ITPR1: variants seen among roughly 807,000 people sequenced by gnomAD.
ITPR1 encodes the protein inositol 1,4,5-trisphosphate receptor type 1, also known as inositol 1,4,5-trisphosphate-gated calcium channel ITPR1.
Under a neutral mutation model 318.4 loss-of-function variants are expected in ITPR1, and 96 were observed. The observed-to-expected ratio is 0.30, with a 90% confidence interval of 0.26 to 0.36. The LOEUF is 0.36. Among genes scored for constraint, ITPR1 ranks in the 10% least tolerant of loss-of-function variants. The pLI is 1.00. For missense variants in ITPR1, 2,440 were observed against 3,460.2 expected, an observed-to-expected ratio of 0.71 and a Z score of 7.40; for synonymous variants, 1,312 against 1,289.9, an observed-to-expected ratio of 1.02 and a Z score of -0.37.
intron 44 of ITPR1, among the ~76,000 whole-genome samples, chr3:4,742,547 G>C (rs1019033316): frequency 1.3e-5 from 2 of 152,212 alleles, no homozygotes; most frequent in Non-Finnish European, 2.9e-5. Flanking sequence ...TGTTTTCACA[G>C]ACTATTTATA....
At chr3:4,725,987 A>G (rs1282368029) in intron 41 of ITPR1, among the ~76,000 whole-genome samples, 9 of 152,358 alleles carry the variant, frequency 5.9e-5, no homozygotes, top group Admixed American at 5.9e-4. Flanking sequence ...TTATAATTGT[A>G]GAAAAAGCTA....
At chr3:4,624,047 T>A (rs1404115005) in intron 4 of ITPR1, among the ~76,000 whole-genome samples, 1 of 152,238 alleles carries the variant, frequency 6.6e-6, no homozygotes, top group Non-Finnish European at 1.5e-5. Context: ...GACTTGCTGG[T>A]ACTGTGAACA....
chr3:4,547,131 T>C (rs1421878775), intron 4 of ITPR1, among the ~76,000 whole-genome samples: 3 of 152,242 alleles, frequency 2.0e-5, no homozygotes, highest in African/African-American at 7.2e-5. Flanking sequence ...GCATGATTTA[T>C]AGTACGGTTG....
chr3:4,519,553 T>C (rs2082405116), intron 3 of ITPR1, among the ~76,000 whole-genome samples: 1 of 152,220 alleles, frequency 6.6e-6, no homozygotes, highest in African/African-American at 2.4e-5. Flanking sequence ...AACCTAGCCC[T>C]ACCTTGGATT....
intron 2 of ITPR1, among the ~76,000 whole-genome samples, chr3:4,512,102 G>C (rs1376171154): frequency 6.6e-6 from 1 of 152,102 alleles, no homozygotes; most frequent in Non-Finnish European, 1.5e-5. Flanking sequence ...ATCCTCCCAA[G>C]TAGCTGGGGT....
chr3:4,587,406 G>T (rs1229070932), intron 4 of ITPR1, among the ~76,000 whole-genome samples: 1 of 151,988 alleles, frequency 6.6e-6, no homozygotes, highest in African/African-American at 2.4e-5. Flanking sequence ...CAGTAGCTGG[G>T]ACTACAGGTG....
chr3:4,761,219 G>C (rs948557001), intron 44 of ITPR1, among the ~76,000 whole-genome samples: 3 of 152,004 alleles, frequency 2.0e-5, no homozygotes, highest in Non-Finnish European at 2.9e-5. Flanking sequence ...GTTTGGGGGG[G>C]TTCACCCAGG....
chr3:4,681,658 T>TGTGTGTGTGTGTGTGTCC (rs1553690431), intron 26 of ITPR1, among the ~76,000 whole-genome samples: 2 of 149,848 alleles, frequency 1.3e-5, no homozygotes, highest in African/African-American at 5.0e-5. Flanking sequence ...TGTGTGTGTG[T>TGTGTGTGTGTGTGTGTCC]CCCACCTAGG....
chr3:4,547,137 G>A (rs977911048), intron 4 of ITPR1, among the ~76,000 whole-genome samples: 1 of 152,138 alleles, frequency 6.6e-6, no homozygotes, highest in East Asian at 1.9e-4. Context: ...TTTATAGTAC[G>A]GTTGTAGTTA....
intron 31 of ITPR1, 150 bp downstream of exon 31, chr3:4,688,770 G>A (rs942236927): frequency 1.9e-5 from 15 of 789,202 alleles, no homozygotes; most frequent in South Asian, 1.6e-4. Flanking sequence ...CACTTATCAC[G>A]AGGACATAAA....
intron 4 of ITPR1, among the ~76,000 whole-genome samples, chr3:4,563,826 G>C (rs954710633): frequency 6.6e-6 from 1 of 152,204 alleles, no homozygotes; most frequent in African/African-American, 2.4e-5. Flanking sequence ...ATCCTATATA[G>C]AGGTTTTATT....
At chr3:4,800,795 C>T (rs903678309) in intron 54 of ITPR1, among the ~76,000 whole-genome samples, 195 bp downstream of exon 54, 4 of 152,190 alleles carry the variant, frequency 2.6e-5, no homozygotes, top group Admixed American at 2.6e-4. Context: ...TGCAGTGAGC[C>T]TTGTAATGGA....
chr3:4,681,011 C>T (rs2094287219), intron 25 of ITPR1, among the ~76,000 whole-genome samples: 1 of 152,158 alleles, frequency 6.6e-6, no homozygotes, highest in South Asian at 2.1e-4. Context: ...CAGGAGACTT[C>T]TTGACCACTA....
At chr3:4,619,108 A>G (rs1575747153) in intron 4 of ITPR1, among the ~76,000 whole-genome samples, 2 of 152,290 alleles carry the variant, frequency 1.3e-5, no homozygotes, top group Admixed American at 1.3e-4. Flanking sequence ...TTGAGCTTCC[A>G]GGGTTGCTGT....
chr3:4,579,389 A>C (rs1424251563), intron 4 of ITPR1, among the ~76,000 whole-genome samples: 1 of 152,240 alleles, frequency 6.6e-6, no homozygotes, highest in African/African-American at 2.4e-5. Context: ...AAATGGCTGA[A>C]TATGTATATA....
intron 39 of ITPR1, among the ~76,000 whole-genome samples, chr3:4,716,099 T>C (rs2041742324): frequency 6.6e-6 from 1 of 152,244 alleles, no homozygotes. Flanking sequence ...CTTTTGGTCC[T>C]GTGTATTCAA....
chr3:4,509,357 G>A (rs2081628258), intron 2 of ITPR1, among the ~76,000 whole-genome samples: 2 of 152,192 alleles, frequency 1.3e-5, no homozygotes, highest in South Asian at 2.1e-4. Context: ...AAAAGTTAGA[G>A]TATCTTTCCA....
At chr3:4,543,062 A>G (rs2084619608) in intron 4 of ITPR1, among the ~76,000 whole-genome samples, 2 of 152,252 alleles carry the variant, frequency 1.3e-5, no homozygotes, top group East Asian at 1.9e-4. Context: ...CTTAAAATGT[A>G]TAATTTTACA....
chr3:4,635,531 G>A (rs975418454), intron 5 of ITPR1, among the ~76,000 whole-genome samples: 2 of 151,634 alleles, frequency 1.3e-5, no homozygotes, highest in Non-Finnish European at 2.9e-5. Flanking sequence ...TTTTTTAGTA[G>A]AGACGGGGTT....
Sources: allele counts gnomAD v4.1 joint callset (sites outside exome capture counted in the v4.1 genomes callset), GRCh38; gene constraint gnomAD v4.1.1; transcripts MANE v1.5; gene names NCBI Gene and HGNC (gene_info 2026-07-23, HGNC 2026-07-21).